Variants in PHKA1 observed in about 807,000 individuals in gnomAD.
The protein encoded by PHKA1 is phosphorylase b kinase regulatory subunit alpha, skeletal muscle isoform.
A neutral mutation model predicts 110.2 loss-of-function variants in PHKA1; 60 were observed. That is an observed-to-expected ratio of 0.54 (90% CI 0.44 to 0.68). The LOEUF is 0.68. Ranked by LOEUF, PHKA1 falls within the 30% of genes least tolerant of loss-of-function variation. The probability of loss-of-function intolerance (pLI) is 0.00; values close to 1 mark genes in which losing one functional copy is unlikely to be tolerated. For synonymous variants in PHKA1, 316 were observed against 333.6 expected (o/e 0.95, Z 0.58); for missense variants, 801 against 942.5 (o/e 0.85, Z 1.97).
chrX:72,685,077 A>C (rs1556318348), intron 4 of PHKA1, among the ~76,000 whole-genome samples: 1 of 111,897 alleles, frequency 8.9e-6, no homozygotes, highest in Non-Finnish European at 1.9e-5. Context: ...TTTTACATGA[A>C]TTATCCATTT....
intron 18 of PHKA1, 131 bp from the exon 19 acceptor site, chrX:72,621,032 G>T: frequency 1.5e-6 from 1 of 666,424 alleles, no homozygotes; most frequent in Non-Finnish European, 2.3e-6. Context: ...GTTGTTTTTA[G>T]CTCATGGAGG....
intron 29 of PHKA1, 38 bp from the exon 30 acceptor site, chrX:72,584,340 T>C (rs2147642521): frequency 1.8e-6 from 2 of 1,141,747 alleles, no homozygotes; most frequent in East Asian, 6.0e-5. Flanking sequence ...CCAAAAACCA[T>C]ATCACCAAGG....
intron 3 of PHKA1, among the ~76,000 whole-genome samples, chrX:72,698,922 A>T (rs1264019728): frequency 8.9e-6 from 1 of 112,015 alleles, no homozygotes; most frequent in Admixed American, 9.5e-5. Flanking sequence ...ACTTTAAATC[A>T]CGACTATCAC....
At chrX:72,657,210 G>C in intron 9 of PHKA1, among the ~76,000 whole-genome samples, 1 of 112,331 alleles carries the variant, frequency 8.9e-6, no homozygotes, top group South Asian at 3.7e-4. Flanking sequence ...GGGCCAGAAA[G>C]ATCTACTGAT....
At chrX:72,659,089 A>T (rs945760342) in intron 8 of PHKA1, among the ~76,000 whole-genome samples, 9 of 111,676 alleles carry the variant, frequency 8.1e-5, no homozygotes, top group Admixed American at 4.7e-4. Context: ...ACATTCTCCT[A>T]TTAGGGAGAT....
chrX:72,673,112 A>G (rs781882564), intron 6 of PHKA1, among the ~76,000 whole-genome samples: 52 of 110,993 alleles, frequency 4.7e-4, no homozygotes, highest in African/African-American at 1.7e-3. Flanking sequence ...AAATCACATT[A>G]TTGGGACAAC....
intron 16 of PHKA1, among the ~76,000 whole-genome samples, chrX:72,629,902 G>A (rs985833907): frequency 8.9e-6 from 1 of 111,751 alleles, no homozygotes; most frequent in Admixed American, 9.5e-5. Context: ...TTAAAGTGAT[G>A]TATAGAATCT....
intron 3 of PHKA1, among the ~76,000 whole-genome samples, chrX:72,698,798 T>G (rs1429585080): frequency 5.3e-5 from 6 of 112,453 alleles, no homozygotes; most frequent in African/African-American, 1.9e-4. Flanking sequence ...CAAAGTTAGT[T>G]TGGCCTATGC....
chrX:72,701,287 C>G (rs1488791822), intron 3 of PHKA1, among the ~76,000 whole-genome samples: 6 of 112,006 alleles, frequency 5.4e-5, no homozygotes, highest in Admixed American at 1.9e-4. Flanking sequence ...GGGTTTCTGA[C>G]CCTTGGTAAG....
intron 6 of PHKA1, among the ~76,000 whole-genome samples, chrX:72,671,468 T>A (rs2053697443): frequency 8.9e-6 from 1 of 111,900 alleles, no homozygotes; most frequent in African/African-American, 3.3e-5. Flanking sequence ...CATTCCATGC[T>A]CATGGGTAGG....
chrX:72,611,253 G>C, intron 21 of PHKA1, 69 bp from the exon 22 acceptor site: 1 of 889,947 alleles, frequency 1.1e-6, no homozygotes, highest in Non-Finnish European at 1.7e-6. Context: ...TTCTTTCAGT[G>C]TTATAATGAA....
intron 8 of PHKA1, among the ~76,000 whole-genome samples, chrX:72,658,509 T>C (rs2053524286): frequency 9.3e-6 from 1 of 107,262 alleles, no homozygotes; most frequent in African/African-American, 3.4e-5. Flanking sequence ...CCAAAGCCCA[T>C]AACTTATTTG....
At chrX:72,678,383 T>G (rs2053805414) in intron 5 of PHKA1, among the ~76,000 whole-genome samples, 1 of 112,176 alleles carries the variant, frequency 8.9e-6, no homozygotes, top group Non-Finnish European at 1.9e-5. Context: ...TAATTACTTT[T>G]CATGCCAAAT....
intron 4 of PHKA1, among the ~76,000 whole-genome samples, chrX:72,692,694 T>C (rs1390270645): frequency 1.8e-5 from 2 of 111,711 alleles, no homozygotes; most frequent in Middle Eastern, 9.2e-3. Flanking sequence ...TTATTCCTAG[T>C]TTTAGTAATT....
intron 2 of PHKA1, among the ~76,000 whole-genome samples, chrX:72,706,646 A>AC (rs1381266645): frequency 9.0e-6 from 1 of 111,572 alleles, no homozygotes; most frequent in Non-Finnish European, 1.9e-5. Flanking sequence ...TTTTAAAAAA[A>AC]CATATTAAGG....
At chrX:72,700,122 C>T (rs146999270) in intron 3 of PHKA1, among the ~76,000 whole-genome samples, 1,271 of 111,861 alleles carry the variant, frequency 0.011, 19 homozygotes, top group African/African-American at 0.04. Context: ...AGATTGTTTA[C>T]AAAATTTTGA....
chrX:72,616,864 T>C (rs781998952), intron 21 of PHKA1, among the ~76,000 whole-genome samples: 1 of 111,872 alleles, frequency 8.9e-6, no homozygotes, highest in Non-Finnish European at 1.9e-5. Flanking sequence ...ACAGAAACTT[T>C]ACAAATACAA....
chrX:72,637,897 C>G (rs2053247503), intron 14 of PHKA1, among the ~76,000 whole-genome samples: 1 of 111,652 alleles, frequency 9.0e-6, no homozygotes, highest in Non-Finnish European at 1.9e-5. Flanking sequence ...TATTTGTCTC[C>G]TCTCTATTTC....
At chrX:72,653,061 A>G (rs916512079) in intron 11 of PHKA1, among the ~76,000 whole-genome samples, 2 of 111,788 alleles carry the variant, frequency 1.8e-5, no homozygotes, top group Non-Finnish European at 1.9e-5. Context: ...TGACAGTCTG[A>G]AAACAAGACA....
Sources: gnomAD v4.1 joint callset for allele counts (sites outside exome capture counted in the v4.1 genomes callset) on GRCh38, gnomAD v4.1.1 for gene constraint, MANE v1.5 for transcripts, NCBI Gene and HGNC (gene_info 2026-07-23, HGNC 2026-07-21) for gene names.